Variants in LOC400499 observed in about 807,000 individuals in gnomAD.
At chr16:11,373,147 A>C in the LOC400499 span, among the ~76,000 whole-genome samples, 1 of 152,158 alleles carries the variant, frequency 6.6e-6, no homozygotes, top group Non-Finnish European at 1.5e-5. Context: ...AGTGTGGGCT[A>C]AAGGGAGCTC....
At chr16:11,417,644 G>A in the LOC400499 span, 1 of 399,172 alleles carries the variant, frequency 2.5e-6, no homozygotes, top group Non-Finnish European at 4.4e-6. Flanking sequence ...TGTATCTGCA[G>A]CTCAGCACTA....
At chr16:11,511,059 C>T in the LOC400499 span, among the ~76,000 whole-genome samples, 28 of 150,606 alleles carry the variant, frequency 1.9e-4, no homozygotes, top group Non-Finnish European at 4.1e-4. Flanking sequence ...TGCAGTGACG[C>T]GATCACAGCT....
the LOC400499 span, among the ~76,000 whole-genome samples, chr16:11,415,278 C>T: frequency 3.9e-5 from 6 of 152,326 alleles, no homozygotes; most frequent in Admixed American, 3.9e-4. Context: ...GGTCCAGGAG[C>T]CCCAGAGCAA....
the LOC400499 span, chr16:11,391,963 G>A: frequency 1.9e-6 from 1 of 526,846 alleles, no homozygotes; most frequent in East Asian, 3.5e-5. Flanking sequence ...GGTCAGAGGG[G>A]GACCTCTCCA....
chr16:11,500,792 G>A, the LOC400499 span: 4 of 399,054 alleles, frequency 1.0e-5, no homozygotes, highest in South Asian at 1.3e-4. Context: ...CGGGTGGGGT[G>A]CAGGGACTCA....
the LOC400499 span, among the ~76,000 whole-genome samples, chr16:11,420,597 A>ACCC: frequency 1.1e-5 from 1 of 91,938 alleles, no homozygotes; most frequent in African/African-American, 5.7e-5. Flanking sequence ...ATAATAATAA[A>ACCC]CCCCCCCCCC....
chr16:11,396,430 G>C, the LOC400499 span: 2 of 1,204,348 alleles, frequency 1.7e-6, no homozygotes, highest in African/African-American at 3.1e-5. Flanking sequence ...CAGGCAGTTG[G>C]GGGCCTGCTG....
At chr16:11,426,042 C>A in the LOC400499 span, among the ~76,000 whole-genome samples, 2 of 152,130 alleles carry the variant, frequency 1.3e-5, no homozygotes, top group African/African-American at 4.8e-5. Context: ...ATACCGAAGT[C>A]CAATTTAATT....
chr16:11,389,638 T>C, the LOC400499 span, among the ~76,000 whole-genome samples: 1 of 131,514 alleles, frequency 7.6e-6, no homozygotes, highest in East Asian at 2.3e-4. Flanking sequence ...TGAGCCAAGA[T>C]TGCACCACTG....
At chr16:11,453,809 A>G in the LOC400499 span, among the ~76,000 whole-genome samples, 7 of 151,782 alleles carry the variant, frequency 4.6e-5, no homozygotes, top group African/African-American at 1.7e-4. Context: ...TCTCCAAAAA[A>G]AAGAAAAAGA....
the LOC400499 span, among the ~76,000 whole-genome samples, chr16:11,498,596 C>T: frequency 1.3e-5 from 2 of 152,102 alleles, no homozygotes; most frequent in Non-Finnish European, 1.5e-5. Context: ...CCACCCCCCT[C>T]CTCTCCCCAG....
the LOC400499 span, chr16:11,392,461 A>G: frequency 0.31 from 122,461 of 398,736 alleles, 19,268 homozygotes; most frequent in African/African-American, 0.36. Flanking sequence ...CTGTCCGCCC[A>G]TGGGCACATG....
At chr16:11,391,217 T>C in the LOC400499 span, among the ~76,000 whole-genome samples, 2 of 152,246 alleles carry the variant, frequency 1.3e-5, no homozygotes, top group South Asian at 4.1e-4. Context: ...TGCTGGGCAT[T>C]AGCCCTGGAT....
chr16:11,437,484 G>C, the LOC400499 span, among the ~76,000 whole-genome samples: 1 of 152,208 alleles, frequency 6.6e-6, no homozygotes, highest in Non-Finnish European at 1.5e-5. Flanking sequence ...GCTGGAGCCT[G>C]GGTGGTGGAG....
At chr16:11,502,345 G>A in the LOC400499 span, among the ~76,000 whole-genome samples, 1 of 152,180 alleles carries the variant, frequency 6.6e-6, no homozygotes, top group Non-Finnish European at 1.5e-5. Context: ...CTCCAGGTCT[G>A]GCTTCTCCCT....
At chr16:11,420,606 C>G in the LOC400499 span, among the ~76,000 whole-genome samples, 6 of 100,358 alleles carry the variant, frequency 6.0e-5, no homozygotes, top group South Asian at 3.6e-4. Flanking sequence ...AACCCCCCCC[C>G]CCGGAAAAAA....
the LOC400499 span, among the ~76,000 whole-genome samples, chr16:11,391,066 C>A: frequency 4.6e-5 from 7 of 152,232 alleles, no homozygotes; most frequent in African/African-American, 1.4e-4. Context: ...GGAGTCCTGG[C>A]GCATTCCTCC....
the LOC400499 span, among the ~76,000 whole-genome samples, chr16:11,446,291 A>G: frequency 1.3e-5 from 2 of 151,896 alleles, no homozygotes; most frequent in Non-Finnish European, 2.9e-5. Context: ...CTGGGACTAC[A>G]AGCACATGCC....
At chr16:11,526,678 T>G in the LOC400499 span, among the ~76,000 whole-genome samples, 2 of 152,246 alleles carry the variant, frequency 1.3e-5, no homozygotes, top group African/African-American at 2.4e-5. Flanking sequence ...TTTTAAAAAT[T>G]TGTATGTGTG....
Sources: allele counts gnomAD v4.1 joint callset (sites outside exome capture counted in the v4.1 genomes callset), GRCh38; gene constraint gnomAD v4.1.1; transcripts MANE v1.5.